C18orf54: variants seen among roughly 807,000 people sequenced by gnomAD.
C18orf54 encodes lung adenoma susceptibility protein 2.
C18orf54 carries 49 observed loss-of-function variants against 49.3 expected under a neutral mutation model. The ratio of observed to expected loss-of-function variants is 0.99; its 90% CI spans 0.79 to 1.26. C18orf54 has a LOEUF of 1.26. Among genes scored for constraint, C18orf54 ranks in the 50% most tolerant of loss-of-function variants. C18orf54 has a pLI of 0.00. For synonymous variants in C18orf54, 211 were observed against 216.6 expected, an observed-to-expected ratio of 0.97 and a Z score of 0.23; for missense variants, 687 against 620.6, an observed-to-expected ratio of 1.11 and a Z score of -1.14.
chr18:54,372,589 A>G lies in C18orf54; in HGVS notation c.1450A>G (p.Ile484Val). ...TAAGACCACAGATCCAAAAGAAGAG[A>G]TTAAACAAGTAAGCACAAACATGAT... The part of the protein sequence containing the change: ...QNKTTDPKEE[I>V]KQVSEDDFSK... Residue 484 changes from isoleucine (I) to valine (V), a missense_variant, in exon 7 of 9, where the codon ATT (isoleucine) becomes GTT (valine). Coordinates refer to ENST00000620105, the MANE Select transcript of C18orf54 (RefSeq NM_001288980.2). The G allele has an allele frequency of 1.9e-6, 3 of 1,597,806 alleles. No homozygotes were observed. The highest frequency in any genetic ancestry group is 2.6e-6 in the Non-Finnish European group (3 of 1,172,412).
rs966599849 is a variant in C18orf54, at chr18:54,380,961, A to C, written c.*2715A>C. 8.5e-5 allele frequency: 13 copies of C among 152,170 alleles called. No individual in the cohort carries two copies. Among genetic ancestry groups the C allele is most frequent in the Non-Finnish European group, 1.8e-4 (12 of 68,000 alleles). 9.4% of individuals were successfully genotyped at this position (152,170 alleles called of 1,614,324 possible). A position where few individuals can be genotyped will look rare whatever the true frequency, so the allele number is the denominator to read the frequency against. The stretch of plus-strand genomic sequence containing the variant: ...GCATGAAAGAAGACAGAAGAAGCAA[A>C]AGGCTAATACAGTGGATAATTTCTG... On this transcript the variant is annotated 3_prime_UTR_variant, in exon 9 of 9. Transcript: ENST00000620105.
At chr18:54,375,632 C>T (rs2089557517) in intron 8 of C18orf54, among the ~76,000 whole-genome samples, 1 of 151,630 alleles carries the variant, frequency 6.6e-6, no homozygotes, top group East Asian at 1.9e-4. Flanking sequence ...GATTGTAAGT[C>T]ATTTAATCAC....
At chr18:54,366,291 C>T (rs1264745391) in intron 6 of C18orf54, among the ~76,000 whole-genome samples, 3 of 151,896 alleles carry the variant, frequency 2.0e-5, no homozygotes, top group African/African-American at 7.2e-5. Flanking sequence ...TACCTCCCTC[C>T]TACCTTTCCC....
chr18:54,370,140 G>T (rs148969703), intron 6 of C18orf54, among the ~76,000 whole-genome samples: 268 of 152,216 alleles, frequency 1.8e-3, no homozygotes, highest in East Asian at 0.013. Flanking sequence ...AGCCGGTTCT[G>T]GTGGCGGGCG....
intron 6 of C18orf54, among the ~76,000 whole-genome samples, chr18:54,367,710 G>GT (rs2089412014): frequency 6.6e-6 from 1 of 151,912 alleles, no homozygotes; most frequent in Non-Finnish European, 1.5e-5. Context: ...ATCTACTGGG[G>GT]GCCATTGAGC....
At chr18:54,362,475 T>C in intron 4 of C18orf54, 44 bp downstream of exon 4, 1 of 1,408,964 alleles carries the variant, frequency 7.1e-7, no homozygotes, top group African/African-American at 1.4e-5. Flanking sequence ...TTTTCTTTTT[T>C]TTAAACCAAA....
rs923636022 is a variant in C18orf54 at position 54,379,551 on chromosome 18, G to A, written c.*1305G>A. The A allele has an allele frequency of 6.9e-6, 1 of 144,816 alleles. No homozygotes were observed. The highest frequency in any genetic ancestry group is 1.5e-5 in the Non-Finnish European group (1 of 67,112). The allele number at this position is 144,816 out of a possible 1,614,324, so 9.0% of individuals were successfully genotyped here. On this transcript the variant is annotated 3_prime_UTR_variant, in exon 9 of 9. Transcript: ENST00000620105. ...GTTTTTTACCATGCTGCTCTGACCA[G>A]TTTGAGTGGCAATTACCAATAGATT... is the stretch of plus-strand genomic sequence containing the variant.
chr18:54,362,580 G>T (rs1365582959), intron 4 of C18orf54, 149 bp downstream of exon 4: 3 of 891,682 alleles, frequency 3.4e-6, no homozygotes, highest in African/African-American at 3.4e-5. Flanking sequence ...TTCACATACA[G>T]CATTTTGTAA....
At chr18:54,366,657 C>G (rs1182017148) in intron 6 of C18orf54, among the ~76,000 whole-genome samples, 1 of 151,846 alleles carries the variant, frequency 6.6e-6, no homozygotes, top group Non-Finnish European at 1.5e-5. Flanking sequence ...GATATATACC[C>G]AGTAGTCAGA....
Position 54,378,917 on chromosome 18 carries a change from T to C in C18orf54, c.*671T>C, listed in dbSNP as rs1182570503. 6.6e-6 allele frequency: 1 copy of C among 152,144 alleles called. No individual in the cohort carries two copies. The highest frequency in any genetic ancestry group is 1.5e-5 in the Non-Finnish European group (1 of 67,968). 9.4% of individuals were successfully genotyped at this position (152,144 alleles called of 1,614,324 possible). On this transcript the variant is annotated 3_prime_UTR_variant, in exon 9 of 9. Coordinates refer to ENST00000620105, the MANE Select transcript of C18orf54 (RefSeq NM_001288980.2). Reference sequence around the variant, plus strand: ...GATAATCTTGGTAGTGCTTGACAGTTTCCAAACCTTTTTTTGGAGAGATAT... The same window carrying C: ...GATAATCTTGGTAGTGCTTGACAGTCTCCAAACCTTTTTTTGGAGAGATAT...
intron 2 of C18orf54, among the ~76,000 whole-genome samples, chr18:54,359,071 CTT>C (rs1354613254): frequency 1.3e-5 from 2 of 152,150 alleles, no homozygotes; most frequent in East Asian, 3.8e-4. Flanking sequence ...AGTTGGAAAA[CTT>C]TTCATAATGA....
intron 2 of C18orf54, 139 bp from the exon 3 acceptor site, chr18:54,360,388 A>G (rs527637663): frequency 2.0e-5 from 11 of 553,778 alleles, no homozygotes; most frequent in South Asian, 1.0e-4. Context: ...AAAATCTACA[A>G]TTCCTAACAA....
intron 1 of C18orf54, chr18:54,358,501 C>A (rs2089194302): frequency 6.6e-6 from 1 of 152,304 alleles, no homozygotes; most frequent in African/African-American, 2.4e-5. Context: ...CTGTGACTGA[C>A]GGGCGGTGGA....
Position 54,378,652 on chromosome 18 carries a change from G to A in C18orf54, c.*406G>A, listed in dbSNP as rs1194654856. 1 of 153,716 alleles carries A rather than the reference G, an allele frequency of 6.5e-6. No individual in the cohort carries two copies. Among genetic ancestry groups the A allele is most frequent in the African/African-American group, 2.4e-5 (1 of 41,444 alleles). 9.5% of individuals were successfully genotyped at this position (153,716 alleles called of 1,614,324 possible). On this transcript the variant is annotated 3_prime_UTR_variant, in exon 9 of 9. Transcript: ENST00000620105. ...TATCCAAAATCTTTTACGTTAAATA[G>A]ACTTTTTTAAAGATATAGTTAGCAT...
chr18:54,372,480 T>C lies in C18orf54; in HGVS notation c.1341T>C (p.Ser447=). Residue 447 remains serine (S), a synonymous_variant, in exon 7 of 9, where the codon TCT becomes TCC. Coordinates refer to ENST00000620105, the MANE Select transcript of C18orf54 (RefSeq NM_001288980.2). ...TTTAACCTTAGAGCTGTACTCTCTC[T>C]GGAGGCAAACATCATGGTCCTGTTG... ...LNNDNQSCTL[S]GGKHHGPVEA... The C allele has an allele frequency of 6.2e-7, 1 of 1,609,234 alleles. No individual in the cohort carries two copies. The highest frequency in any genetic ancestry group is 8.5e-7 in the Non-Finnish European group (1 of 1,177,344).
intron 6 of C18orf54, among the ~76,000 whole-genome samples, chr18:54,366,108 A>G (rs1040181511): frequency 6.6e-6 from 1 of 151,856 alleles, no homozygotes; most frequent in Non-Finnish European, 1.5e-5. Flanking sequence ...CATCTCAAAT[A>G]TTTATCATTT....
intron 6 of C18orf54, among the ~76,000 whole-genome samples, chr18:54,368,046 T>C (rs1457030682): frequency 1.3e-5 from 2 of 152,128 alleles, no homozygotes; most frequent in Admixed American, 6.6e-5. Context: ...TTTTTATGAT[T>C]TCTGTTTGTT....
intron 2 of C18orf54, 83 bp downstream of exon 2, chr18:54,358,953 A>G (rs1192793738): frequency 2.6e-5 from 4 of 152,200 alleles, no homozygotes; most frequent in African/African-American, 9.7e-5. Flanking sequence ...GTGGGTCCCT[A>G]CCCACTTTAG....
In C18orf54 at chr18:54,361,797, C is replaced by G. The variant is rs1369512883; in HGVS notation, c.438C>G (p.His146Gln). 3 of 1,613,958 alleles carry G rather than the reference C, an allele frequency of 1.9e-6. No individual in the cohort carries two copies. The highest frequency in any genetic ancestry group is 2.5e-6 in the Non-Finnish European group (3 of 1,179,974). Residue 146 changes from histidine (H) to glutamine (Q), a missense_variant, in exon 4 of 9, where the codon CAC (histidine) becomes CAG (glutamine). Transcript: ENST00000620105. ...CTTATACTTATGTTGGACCGAGTCA[C>G]CGAACGAGCAAGAAAAACAAGAAAT... Reference protein sequence around the residue: ...SFSYTYVGPSHRTSKKNKKCR... With the variant: ...SFSYTYVGPSQRTSKKNKKCR...
Sources: gnomAD v4.1 joint callset for allele counts (sites outside exome capture counted in the v4.1 genomes callset) on GRCh38, gnomAD v4.1.1 for gene constraint, MANE v1.5 for transcripts, NCBI Gene and HGNC (gene_info 2026-07-23, HGNC 2026-07-21) for gene names.